The following CSTPP1 variants were observed in gnomAD, a reference collection of about 807,000 sequenced individuals.
The protein encoded by CSTPP1 is UPF0705 protein C11orf49.
the CSTPP1 span, among the ~76,000 whole-genome samples, chr11:47,163,737 G>C: frequency 3.9e-5 from 6 of 151,986 alleles, no homozygotes; most frequent in Non-Finnish European, 8.8e-5. Flanking sequence ...CTGCCTCCCG[G>C]GTTCAAGTGA....
the CSTPP1 span, among the ~76,000 whole-genome samples, chr11:46,982,278 G>A: frequency 6.6e-6 from 1 of 151,956 alleles, no homozygotes; most frequent in African/African-American, 2.4e-5. Flanking sequence ...ATCAAACTCT[G>A]GCAAGGGGGG....
At chr11:47,014,338 C>T in the CSTPP1 span, among the ~76,000 whole-genome samples, 1 of 116,490 alleles carries the variant, frequency 8.6e-6, no homozygotes. Context: ...GAGAAAGAAA[C>T]AGAAAAGAAA....
At chr11:47,046,465 C>A in the CSTPP1 span, among the ~76,000 whole-genome samples, 17 of 151,860 alleles carry the variant, frequency 1.1e-4, no homozygotes, top group African/African-American at 3.1e-4. Context: ...AGGAATAAGT[C>A]TAACTGAGGA....
At chr11:47,044,048 G>A in the CSTPP1 span, among the ~76,000 whole-genome samples, 7 of 152,076 alleles carry the variant, frequency 4.6e-5, no homozygotes, top group African/African-American at 9.7e-5. Context: ...GTGTAGTGGC[G>A]TGATCTCGGC....
chr11:47,034,914 C>G, the CSTPP1 span, among the ~76,000 whole-genome samples: 2 of 152,288 alleles, frequency 1.3e-5, no homozygotes, highest in South Asian at 2.1e-4. Flanking sequence ...CTAAAATTAT[C>G]AAACCATCCT....
chr11:46,973,448 C>G, the CSTPP1 span, among the ~76,000 whole-genome samples: 67 of 152,262 alleles, frequency 4.4e-4, no homozygotes. Flanking sequence ...GAAAACAAGT[C>G]TGAAAATAGG....
the CSTPP1 span, among the ~76,000 whole-genome samples, chr11:47,096,343 C>T: frequency 2.0e-5 from 3 of 152,190 alleles, no homozygotes; most frequent in Non-Finnish European, 4.4e-5. Context: ...AATAACTCCT[C>T]ATTCCCTGCT....
chr11:47,115,883 T>C, the CSTPP1 span, among the ~76,000 whole-genome samples: 1 of 152,182 alleles, frequency 6.6e-6, no homozygotes, highest in African/African-American at 2.4e-5. Flanking sequence ...TTGCTCTTGC[T>C]TCTCTAGTTC....
the CSTPP1 span, among the ~76,000 whole-genome samples, chr11:47,140,256 T>C: frequency 6.6e-6 from 1 of 152,316 alleles, no homozygotes; most frequent in East Asian, 1.9e-4. Context: ...ATAATTTTAA[T>C]TTATCTGCTA....
the CSTPP1 span, among the ~76,000 whole-genome samples, chr11:47,109,753 A>G: frequency 1.4e-4 from 21 of 152,102 alleles, no homozygotes; most frequent in Non-Finnish European, 2.4e-4. Context: ...ACCCTCCCCC[A>G]TGGCAGTATG....
the CSTPP1 span, among the ~76,000 whole-genome samples, chr11:47,127,682 C>T: frequency 6.6e-6 from 1 of 151,820 alleles, no homozygotes; most frequent in Non-Finnish European, 1.5e-5. Context: ...CCTTAATTTA[C>T]CATCTCTTCC....
At chr11:47,052,546 CCTTCCTTCCTTCCTTCCTTT>C in the CSTPP1 span, 3 of 1,597,346 alleles carry the variant, frequency 1.9e-6, no homozygotes, top group African/African-American at 1.3e-5. Context: ...CTTTTTCCTT[CCTTCCTTCCTTCCTTCCTTT>C]CTTCCTTCCT....
At chr11:47,009,061 T>C in the CSTPP1 span, among the ~76,000 whole-genome samples, 1 of 151,384 alleles carries the variant, frequency 6.6e-6, no homozygotes, top group African/African-American at 2.4e-5. Flanking sequence ...CCTATCCAAG[T>C]GTGTGGATCT....
the CSTPP1 span, among the ~76,000 whole-genome samples, chr11:46,991,058 C>T: frequency 6.6e-6 from 1 of 152,112 alleles, no homozygotes; most frequent in Non-Finnish European, 1.5e-5. Context: ...ATACATATGC[C>T]ATCACATATT....
chr11:47,046,659 T>C, the CSTPP1 span, among the ~76,000 whole-genome samples: 1 of 106,972 alleles, frequency 9.3e-6, no homozygotes, highest in Admixed American at 1.0e-4. Context: ...TATCTTCTTT[T>C]CTTTTTTTTT....
At chr11:47,124,312 C>G in the CSTPP1 span, among the ~76,000 whole-genome samples, 1 of 151,214 alleles carries the variant, frequency 6.6e-6, no homozygotes, top group African/African-American at 2.4e-5. Context: ...TTAGTAGAGA[C>G]GGGGTTTCAC....
the CSTPP1 span, among the ~76,000 whole-genome samples, chr11:47,122,091 A>AAAAAAATATATAT: frequency 1.0e-3 from 33 of 31,812 alleles, no homozygotes; most frequent in Non-Finnish European, 1.6e-3. Context: ...AAAAAAAAAA[A>AAAAAAATATATAT]ATATATATAT....
At chr11:46,972,347 T>C in the CSTPP1 span, among the ~76,000 whole-genome samples, 1 of 152,150 alleles carries the variant, frequency 6.6e-6, no homozygotes, top group African/African-American at 2.4e-5. Context: ...CCCAAAGAGA[T>C]AGGACAGGGA....
the CSTPP1 span, chr11:47,052,415 C>A: frequency 6.2e-7 from 1 of 1,614,004 alleles, no homozygotes; most frequent in South Asian, 1.1e-5. Flanking sequence ...AGGGAACACA[C>A]ATTCTCTTTC....
Sources: allele counts gnomAD v4.1 joint callset (sites outside exome capture counted in the v4.1 genomes callset), GRCh38; gene constraint gnomAD v4.1.1; transcripts MANE v1.5; gene names NCBI Gene and HGNC (gene_info 2026-07-23, HGNC 2026-07-21).